Variants in UNC13C observed in about 807,000 individuals in gnomAD.
The protein encoded by UNC13C is protein unc-13 homolog C.
In UNC13C, 174 loss-of-function variants were observed where a neutral mutation model predicts 245.4. The ratio of observed to expected loss-of-function variants is 0.71; its 90% CI spans 0.63 to 0.80. The LOEUF (loss-of-function observed/expected upper bound fraction) is 0.80. Among genes scored for constraint, UNC13C ranks in the 30% least tolerant of loss-of-function variants. The pLI is 0.00. For synonymous variants in UNC13C, 992 were observed against 895.1 expected, an observed-to-expected ratio of 1.11 and a Z score of -1.93; for missense variants, 2,829 against 2,602.9, an observed-to-expected ratio of 1.09 and a Z score of -1.89.
intron 2 of UNC13C, among the ~76,000 whole-genome samples, chr15:54,132,955 A>G (rs1170945090): frequency 1.3e-5 from 2 of 152,210 alleles, no homozygotes; most frequent in African/African-American, 4.8e-5. Flanking sequence ...GTGTTATAAT[A>G]GAGGTAAAAC....
chr15:54,050,898 T>TG, intron 2 of UNC13C: 1 of 552,102 alleles, frequency 1.8e-6, no homozygotes, highest in Admixed American at 1.9e-5. Flanking sequence ...CCAGCAAAAA[T>TG]TTAAAATGCC....
At chr15:54,497,789 C>A (rs1411534181) in intron 20 of UNC13C, among the ~76,000 whole-genome samples, 1 of 152,012 alleles carries the variant, frequency 6.6e-6, no homozygotes, top group East Asian at 1.9e-4. Context: ...TGGAATCATA[C>A]ATTGTGTACA....
At chr15:54,331,922 C>A in intron 14 of UNC13C, 121 bp from the exon 15 acceptor site, 1 of 596,396 alleles carries the variant, frequency 1.7e-6, no homozygotes, top group Non-Finnish European at 2.8e-6. Flanking sequence ...TGATCTTGGA[C>A]AAGTCATTGA....
At chr15:54,087,348 C>T (rs910484187) in intron 2 of UNC13C, among the ~76,000 whole-genome samples, 6 of 152,124 alleles carry the variant, frequency 3.9e-5, no homozygotes, top group African/African-American at 1.4e-4. Flanking sequence ...TACTTAAACA[C>T]TACTGGCATC....
intron 17 of UNC13C, among the ~76,000 whole-genome samples, chr15:54,350,886 C>A (rs980544240): frequency 1.3e-5 from 2 of 152,102 alleles, no homozygotes; most frequent in African/African-American, 4.8e-5. Context: ...AAAATGAATT[C>A]ATCTACAATG....
intron 2 of UNC13C, among the ~76,000 whole-genome samples, chr15:54,072,930 A>G (rs12901917): frequency 0.49 from 74,775 of 151,678 alleles, 20,268 homozygotes; most frequent in Non-Finnish European, 0.61. Context: ...TATGCAGAAC[A>G]TGTAGGTTTG....
chr15:54,421,980 A>G (rs1310977125), intron 19 of UNC13C, among the ~76,000 whole-genome samples: 1 of 152,042 alleles, frequency 6.6e-6, no homozygotes, highest in Non-Finnish European at 1.5e-5. Flanking sequence ...ACAAATAAAC[A>G]TATAAGATTT....
At chr15:54,322,348 T>C (rs1429094243) in intron 14 of UNC13C, among the ~76,000 whole-genome samples, 1 of 152,034 alleles carries the variant, frequency 6.6e-6, no homozygotes, top group Non-Finnish European at 1.5e-5. Flanking sequence ...ACATACATTT[T>C]ATAAGAGAAT....
At chr15:54,094,000 C>A (rs1400853351) in intron 2 of UNC13C, among the ~76,000 whole-genome samples, 1 of 37,238 alleles carries the variant, frequency 2.7e-5, no homozygotes, top group Non-Finnish European at 5.8e-5. Flanking sequence ...ACCTTTACTT[C>A]ATTTCCAAGA....
chr15:54,358,109 G>A (rs942211875), intron 17 of UNC13C, among the ~76,000 whole-genome samples: 11 of 151,898 alleles, frequency 7.2e-5, no homozygotes, highest in African/African-American at 1.7e-4. Flanking sequence ...TTCCAACTTC[G>A]TCAAAAATGA....
the UNC13C span, among the ~76,000 whole-genome samples, chr15:53,950,608 G>A: frequency 2.0e-5 from 3 of 152,228 alleles, no homozygotes; most frequent in African/African-American, 7.2e-5. Context: ...TTTAATTTTA[G>A]ATTACATGCA....
intron 2 of UNC13C, among the ~76,000 whole-genome samples, chr15:54,074,428 C>A (rs780130608): frequency 6.6e-6 from 1 of 152,124 alleles, no homozygotes; most frequent in East Asian, 1.9e-4. Context: ...TCAGTGGTAG[C>A]TTAATGGGGA....
the UNC13C span, among the ~76,000 whole-genome samples, chr15:53,881,596 G>A: frequency 2.6e-5 from 4 of 152,194 alleles, no homozygotes; most frequent in African/African-American, 9.7e-5. Context: ...GTCCAGTGGT[G>A]GACACCTGTC....
At chr15:54,549,305 G>C (rs1896629719) in intron 27 of UNC13C, among the ~76,000 whole-genome samples, 1 of 152,076 alleles carries the variant, frequency 6.6e-6, no homozygotes, top group African/African-American at 2.4e-5. Context: ...AGTAGAATGA[G>C]GAAGTTGCCT....
the UNC13C span, chr15:53,967,993 A>G: frequency 2.0e-5 from 3 of 152,130 alleles, no homozygotes; most frequent in African/African-American, 7.2e-5. Flanking sequence ...CTCAGTACCA[A>G]TTACATACCT....
chr15:54,405,021 AAAT>A lies in UNC13C; in HGVS notation c.4848-9956_4848-9954del, dbSNP rs1379711640. On this transcript the variant is annotated intron_variant, in intron 18 of 32. Transcript: ENST00000260323. ...TTTATGTTAGAAATCAATGGAATCT[AAAT>A]AATATTTTCCTGTCTGTCTCATTTA... Among the ~76,000 whole-genome samples, 3 of 152,308 alleles carry A rather than the reference AAAT, an allele frequency of 2.0e-5. No individual in the cohort carries two copies. The East Asian group carries it at 5.8e-4, about 29-fold the overall frequency.
rs1462093468 is a variant in UNC13C at position 54,458,722 on chromosome 15, G to C, written c.4934-35886G>C. 3.8e-5 allele frequency among the ~76,000 whole-genome samples: 4 copies of C among 105,366 alleles called. No homozygotes were observed. The Admixed American group carries it at 4.1e-4, about 11-fold the overall frequency. The allele number at this position is 105,366 out of a possible 152,430, so 69.1% of individuals were successfully genotyped here. ...TTTTTTTAAGGGAATAGCTACTCCT[G>C]CTCACTTTTGGATTCCATTTCCATG... On this transcript the variant is annotated intron_variant, in intron 19 of 32. Transcript: ENST00000260323.
intron 19 of UNC13C, among the ~76,000 whole-genome samples, chr15:54,415,413 G>A (rs529052424): frequency 1.6e-4 from 24 of 152,196 alleles, no homozygotes; most frequent in South Asian, 8.3e-4. Context: ...ATTTGTCTAC[G>A]TGGACTTGGA....
Position 54,321,985 on chromosome 15 carries a change from G to A in UNC13C, c.4315G>A (p.Ala1439Thr), listed in dbSNP as rs759500801. 1.9e-6 allele frequency: 3 copies of A among 1,587,332 alleles called. No homozygotes were observed. The highest frequency in any genetic ancestry group is 2.3e-5 in the South Asian group (2 of 87,176). ...SSKYMCPGVPAVMSTLLANIN... is the reference protein window; with the variant it reads ...SSKYMCPGVPTVMSTLLANIN... Reference sequence around the variant, plus strand: ...TAAATACATGTGCCCCGGTGTCCCTGCCGTCATGAGCACCTTGCTGGCTAA... The same window carrying A: ...TAAATACATGTGCCCCGGTGTCCCTACCGTCATGAGCACCTTGCTGGCTAA... The change falls in exon 14 of 33, where the codon GCC becomes ACC. Residue 1439 changes from alanine to threonine, a missense_variant. Ala to Thr is a moderately conservative substitution (Grantham distance 58, BLOSUM62 0). Coordinates refer to ENST00000260323, the MANE Select transcript of UNC13C (RefSeq NM_001080534.3).
Sources: allele counts gnomAD v4.1 joint callset (sites outside exome capture counted in the v4.1 genomes callset), GRCh38; gene constraint gnomAD v4.1.1; transcripts MANE v1.5; gene names NCBI Gene and HGNC (gene_info 2026-07-23, HGNC 2026-07-21).